Variants in GMNN observed in about 807,000 individuals in gnomAD.
GMNN encodes geminin DNA replication inhibitor.
Under a neutral mutation model 20.9 loss-of-function variants are expected in GMNN, and 14 were observed. The ratio of observed to expected loss-of-function variants is 0.67; its 90% CI spans 0.44 to 1.05. The LOEUF (loss-of-function observed/expected upper bound fraction) is 1.05. Ranked by LOEUF, GMNN falls within the 50% of genes least tolerant of loss-of-function variation. The pLI, the probability that GMNN is intolerant of heterozygous loss-of-function variation, is 0.00. For synonymous variants in GMNN, 81 were observed against 85.8 expected (o/e 0.94, Z 0.31); for missense variants, 227 against 243.8 (o/e 0.93, Z 0.46).
intron 3 of GMNN, among the ~76,000 whole-genome samples, chr6:24,781,101 G>C (rs1468566759): frequency 1.3e-5 from 2 of 152,224 alleles, no homozygotes; most frequent in African/African-American, 2.4e-5. Context: ...TGCTTGGGAG[G>C]CTTGAGGCAG....
rs570279096 is a variant in GMNN, at chr6:24,776,584, C to T, written c.-25-638C>T. On this transcript the variant is annotated intron_variant, in intron 1 of 6. Coordinates refer to ENST00000230056, the MANE Select transcript of GMNN (RefSeq NM_015895.5). The stretch of plus-strand genomic sequence containing the variant: ...TCTATCGACGAGGCACAGGCGCAGA[C>T]ACGGCAGGGGCCAATGGGTAGTGGG... 7.9e-5 allele frequency among the ~76,000 whole-genome samples: 12 copies of T among 152,340 alleles called. No individual in the cohort carries two copies. The South Asian group carries it at 2.5e-3, about 32-fold the overall frequency.
In GMNN at chr6:24,785,805, A is replaced by T. The variant is rs1400729524; in HGVS notation, c.*6A>T. The stretch of plus-strand genomic sequence containing the variant: ...ATGCAAAGCCATGTATATGAAATGC[A>T]TTAATATTTGACTGTTGAGAATTTT... On this transcript the variant is annotated 3_prime_UTR_variant, in exon 7 of 7. Coordinates refer to ENST00000230056, the MANE Select transcript of GMNN (RefSeq NM_015895.5). The T allele has an allele frequency of 3.2e-6, 5 of 1,550,592 alleles. No homozygotes were observed. Among genetic ancestry groups the T allele is most frequent in the Non-Finnish European group, 1.8e-6 (2 of 1,140,436 alleles).
chr6:24,775,257 G>A lies in GMNN; in HGVS notation c.-26+13G>A, dbSNP rs1044495589. ...GGCCGCGGCCTGGGTAAGGGCGAAGGGGTTGTTGAACGGTCGCGGGAGCCG... is the reference window on the plus strand; with the variant it reads ...GGCCGCGGCCTGGGTAAGGGCGAAGAGGTTGTTGAACGGTCGCGGGAGCCG... On this transcript the variant is annotated intron_variant, in intron 1 of 6. Coordinates refer to ENST00000230056, the MANE Select transcript of GMNN (RefSeq NM_015895.5). 6.6e-6 allele frequency: 1 copy of A among 152,400 alleles called. No individual in the cohort carries two copies. The highest frequency in any genetic ancestry group is 2.4e-5 in the African/African-American group (1 of 41,460). The allele number at this position is 152,400 out of a possible 1,614,324, so 9.4% of individuals were successfully genotyped here. A position where few individuals can be genotyped will look rare whatever the true frequency, so the allele number is the denominator to read the frequency against.
At position 24,785,983 on chromosome 6, in the gene GMNN, A is replaced by G; in HGVS notation, c.*184A>G. On this transcript the variant is annotated 3_prime_UTR_variant, in exon 7 of 7. Transcript: ENST00000230056. ...TTTTAATCTATGATGGTTTATGTGAATAGGATTTTCTCAGTTGTCAGCCAT... is the reference window on the plus strand; with the variant it reads ...TTTTAATCTATGATGGTTTATGTGAGTAGGATTTTCTCAGTTGTCAGCCAT... 4.1e-6 allele frequency: 2 copies of G among 485,124 alleles called. No homozygotes were observed. The highest frequency in any genetic ancestry group is 7.2e-6 in the Non-Finnish European group (2 of 278,676). The allele number at this position is 485,124 out of a possible 1,614,324, so 30.1% of individuals were successfully genotyped here. A position where few individuals can be genotyped will look rare whatever the true frequency, so the allele number is the denominator to read the frequency against.
intron 1 of GMNN, among the ~76,000 whole-genome samples, chr6:24,776,177 C>G: frequency 6.6e-6 from 1 of 151,946 alleles, no homozygotes; most frequent in East Asian, 1.9e-4. Flanking sequence ...GGCTCACTGC[C>G]ACCTCCACCT....
intron 4 of GMNN, among the ~76,000 whole-genome samples, chr6:24,782,828 A>C (rs1228234273): frequency 6.6e-6 from 1 of 151,596 alleles, no homozygotes; most frequent in Non-Finnish European, 1.5e-5. Flanking sequence ...CCCAAACTTT[A>C]TTACATTTGT....
Position 24,785,772 on chromosome 6 carries a change from C to G in GMNN, c.603C>G (p.Ser201=). ...CGTGTGCTGAAGGAACTGTATCTTC[C>G]TCTACGGATGCAAAGCCATGTATAT... ...IGTCAEGTVS[S]STDAKPCI is the part of the protein sequence containing the mutation. The change falls in exon 7 of 7, where the codon TCC becomes TCG. Residue 201 remains serine, a synonymous_variant. Coordinates refer to ENST00000230056, the MANE Select transcript of GMNN (RefSeq NM_015895.5). The G allele has an allele frequency of 6.3e-7, 1 of 1,584,932 alleles. No homozygotes were observed. The highest frequency in any genetic ancestry group is 8.6e-7 in the Non-Finnish European group (1 of 1,166,548).
intron 2 of GMNN, 152 bp from the exon 3 acceptor site, chr6:24,780,511 T>C: frequency 3.7e-6 from 2 of 538,438 alleles, no homozygotes; most frequent in Non-Finnish European, 6.7e-6. Context: ...CTTACGCAAT[T>C]ATATAGCAGA....
At chr6:24,780,773 T>C in intron 3 of GMNN, 33 bp downstream of exon 3, 2 of 971,390 alleles carry the variant, frequency 2.1e-6, no homozygotes, top group Non-Finnish European at 3.4e-6. Flanking sequence ...GGGGTACTGG[T>C]GATACAGTGT....
rs1174277113 is a variant in GMNN at position 24,783,567 on chromosome 6, TGATA to T, written c.275-514_275-511del. 1.1e-4 allele frequency among the ~76,000 whole-genome samples: 16 copies of T among 152,278 alleles called. No homozygotes were observed. The South Asian group carries it at 1.7e-3, about 16-fold the overall frequency. The stretch of plus-strand genomic sequence containing the variant: ...AAGTTATCTTTACAAGGCAGAAATC[TGATA>T]GATAGCATCTTAATCAAATGATCAA... On this transcript the variant is annotated intron_variant, in intron 4 of 6. Transcript: ENST00000230056.
intron 2 of GMNN, among the ~76,000 whole-genome samples, chr6:24,777,940 C>A (rs1780115601): frequency 6.6e-6 from 1 of 152,130 alleles, no homozygotes; most frequent in Non-Finnish European, 1.5e-5. Context: ...CTAGAGTATA[C>A]CATATTCATT....
chr6:24,775,352 C>T (rs1780036720), intron 1 of GMNN, 108 bp downstream of exon 1: 1 of 152,300 alleles, frequency 6.6e-6, no homozygotes, highest in Non-Finnish European at 1.5e-5. Flanking sequence ...CTCTCACTTC[C>T]GCGCTTCCTA....
chr6:24,777,031 G>T (rs143606837), intron 1 of GMNN, 191 bp from the exon 2 acceptor site: 3 of 354,806 alleles, frequency 8.5e-6, no homozygotes, highest in Non-Finnish European at 1.5e-5. Context: ...TATTATGTGT[G>T]TATATATGTA....
intron 4 of GMNN, among the ~76,000 whole-genome samples, chr6:24,782,849 T>C (rs1259426311): frequency 6.6e-6 from 1 of 151,966 alleles, no homozygotes; most frequent in Non-Finnish European, 1.5e-5. Flanking sequence ...TGTTTGAACT[T>C]TATTATATTT....
intron 1 of GMNN, 112 bp from the exon 2 acceptor site, chr6:24,777,110 A>G: frequency 4.7e-6 from 2 of 426,110 alleles, no homozygotes; most frequent in Non-Finnish European, 8.5e-6. Flanking sequence ...TTGGATTAAG[A>G]GAGAAAAAAT....
At chr6:24,785,470 A>G (rs1003356739) in intron 6 of GMNN, among the ~76,000 whole-genome samples, 168 bp from the exon 7 acceptor site, 3 of 152,186 alleles carry the variant, frequency 2.0e-5, no homozygotes, top group Non-Finnish European at 2.9e-5. Context: ...ATGATCTAGC[A>G]TGGTAGAGAC....
rs1562192946 is a variant in GMNN at position 24,781,557 on chromosome 6, A to G, written c.210A>G (p.Pro70=). ...CTTCCAGCCCTGGGGTTATTGTCCC[A>G]GAATCTAGTGAAAATAAAAATCTTG... ...STTSSPGVIV[P]ESSENKNLGG... is the part of the protein sequence containing the mutation. The change falls in exon 4 of 7, where the codon CCA becomes CCG. Residue 70 remains proline (P), a synonymous_variant. Transcript: ENST00000230056. 3.2e-6 allele frequency: 5 copies of G among 1,566,090 alleles called. No homozygotes were observed. Among genetic ancestry groups the G allele is most frequent in the Non-Finnish European group, 4.4e-6 (5 of 1,146,520 alleles).
At chr6:24,785,408 G>T (rs1780325634) in intron 6 of GMNN, among the ~76,000 whole-genome samples, 1 of 151,832 alleles carries the variant, frequency 6.6e-6, no homozygotes, top group South Asian at 2.1e-4. Context: ...AATAATTTCA[G>T]TGCTTTTTAA....
At chr6:24,785,454 C>T (rs1780327891) in intron 6 of GMNN, among the ~76,000 whole-genome samples, 184 bp from the exon 7 acceptor site, 1 of 151,864 alleles carries the variant, frequency 6.6e-6, no homozygotes, top group South Asian at 2.1e-4. Flanking sequence ...TTTGACTTTG[C>T]TGACTATGAT....
Sources: allele counts gnomAD v4.1 joint callset (sites outside exome capture counted in the v4.1 genomes callset), GRCh38; gene constraint gnomAD v4.1.1; transcripts MANE v1.5; gene names NCBI Gene and HGNC (gene_info 2026-07-23, HGNC 2026-07-21).